PLS1: variants seen among roughly 807,000 people sequenced by gnomAD.
PLS1 encodes plastin-1.
In PLS1, 32 loss-of-function variants were observed where a neutral mutation model predicts 73.7. The observed-to-expected ratio is 0.43, with a 90% CI of 0.33 to 0.58. The LOEUF (loss-of-function observed/expected upper bound fraction) is 0.58. Among genes scored for constraint, PLS1 ranks in the 20% least tolerant of loss-of-function variants. PLS1 has a pLI of 0.04. For synonymous variants in PLS1, 217 were observed against 261.3 expected (o/e 0.83, Z 1.63); for missense variants, 633 against 740.5 (o/e 0.85, Z 1.68).
chr3:142,684,840 G>A (rs1412254071), intron 8 of PLS1, among the ~76,000 whole-genome samples: 2 of 152,178 alleles, frequency 1.3e-5, no homozygotes, highest in South Asian at 2.1e-4. Context: ...GGGATCTTAA[G>A]GTATGTGCCT....
chr3:142,663,209 T>C (rs977618060), intron 1 of PLS1, among the ~76,000 whole-genome samples: 1 of 151,968 alleles, frequency 6.6e-6, no homozygotes, highest in Admixed American at 6.6e-5. Flanking sequence ...AGTGAGACTC[T>C]GTCGCAGAAA....
chr3:142,635,571 C>G lies in PLS1; in HGVS notation c.-36-28631C>G, dbSNP rs373770856. ...TGAGCTGAGTTCGTGCCACTACACG[C>G]CAGCCTGAGTGAGTGACAGAGTGAG... On this transcript the variant is annotated intron_variant, in intron 1 of 15. Transcript: ENST00000457734. 2.2e-3 allele frequency among the ~76,000 whole-genome samples: 331 copies of G among 152,226 alleles called. 1 individual carries two copies. The highest frequency in any genetic ancestry group is 8.1e-3 in the South Asian group (39 of 4,820).
chr3:142,706,214 T>A (rs2038459110), intron 14 of PLS1, among the ~76,000 whole-genome samples: 1 of 152,190 alleles, frequency 6.6e-6, no homozygotes, highest in Admixed American at 6.5e-5. Flanking sequence ...CCTCAGAGTG[T>A]TCACCATTTA....
intron 1 of PLS1, among the ~76,000 whole-genome samples, chr3:142,633,811 A>G (rs1198364403): frequency 6.6e-5 from 10 of 152,226 alleles, no homozygotes; most frequent in Non-Finnish European, 2.9e-5. Flanking sequence ...GTAAAAAATT[A>G]CCAGGCATGC....
intron 1 of PLS1, among the ~76,000 whole-genome samples, chr3:142,610,581 A>G (rs2036104146): frequency 6.6e-6 from 1 of 152,050 alleles, no homozygotes; most frequent in African/African-American, 2.4e-5. Flanking sequence ...TGATTCTAAT[A>G]TTGTCTTAAA....
chr3:142,626,271 T>C (rs573236729), intron 1 of PLS1, among the ~76,000 whole-genome samples: 2 of 152,134 alleles, frequency 1.3e-5, no homozygotes, highest in Admixed American at 1.3e-4. Flanking sequence ...AAACACAATA[T>C]GTTAATAAGC....
rs1165182238 is a variant in PLS1 at position 142,630,972 on chromosome 3, C to CACACACACACACACACACACACAT, written c.-36-33229_-36-33228insCACACACACACACACACACACATA. 2.0e-5 allele frequency among the ~76,000 whole-genome samples: 3 copies of CACACACACACACACACACACACAT among 151,440 alleles called. 1 individual carries two copies. Among genetic ancestry groups the CACACACACACACACACACACACAT allele is most frequent in the African/African-American group, 7.3e-5 (3 of 41,130 alleles). On this transcript the variant is annotated intron_variant, in intron 1 of 15. Coordinates refer to ENST00000457734, the MANE Select transcript of PLS1 (RefSeq NM_001145319.2). ...ACACACACACACACACACACACACA[C>CACACACACACACACACACACACAT]ATAGAGGGAGAGTCAAATGATTTTT... is the stretch of plus-strand genomic sequence containing the variant.
At chr3:142,620,412 C>T (rs961640431) in intron 1 of PLS1, among the ~76,000 whole-genome samples, 2 of 152,186 alleles carry the variant, frequency 1.3e-5, no homozygotes, top group African/African-American at 4.8e-5. Flanking sequence ...CAGGCGTGAG[C>T]CACCGTGCCA....
intron 6 of PLS1, among the ~76,000 whole-genome samples, chr3:142,678,511 G>A (rs1019500359): frequency 6.7e-6 from 1 of 148,460 alleles, no homozygotes; most frequent in Non-Finnish European, 1.5e-5. Context: ...CTATGCGTGA[G>A]AATATGTGGT....
At chr3:142,685,174 T>G (rs1014882692) in intron 8 of PLS1, among the ~76,000 whole-genome samples, 1 of 152,232 alleles carries the variant, frequency 6.6e-6, no homozygotes, top group African/African-American at 2.4e-5. Flanking sequence ...TCATCTACTA[T>G]ACACTGTTAT....
rs536686717 is a variant in PLS1, at chr3:142,687,986, C to T, written c.981+1610C>T. Among the ~76,000 whole-genome samples the T allele has an allele frequency of 7.5e-5, 11 of 147,626 alleles. No homozygotes were observed. The South Asian group carries it at 1.9e-3, about 26-fold the overall frequency. ...TTTTTTAGATGGAGTCTTGCTCTGT[C>T]GCCCAGGCTGGAGTGCAGTGACACA... is the stretch of plus-strand genomic sequence containing the variant. On this transcript the variant is annotated intron_variant, in intron 9 of 15. Coordinates refer to ENST00000457734, the MANE Select transcript of PLS1 (RefSeq NM_001145319.2).
intron 12 of PLS1, among the ~76,000 whole-genome samples, chr3:142,703,642 G>C (rs973820965): frequency 2.0e-5 from 3 of 151,968 alleles, no homozygotes; most frequent in African/African-American, 7.3e-5. Context: ...AAAACTTTCC[G>C]GCCAGTTGTT....
At chr3:142,609,477 T>C (rs1333335564) in intron 1 of PLS1, among the ~76,000 whole-genome samples, 1 of 152,256 alleles carries the variant, frequency 6.6e-6, no homozygotes, top group Non-Finnish European at 1.5e-5. Context: ...AATATCACTT[T>C]GACTCACAGC....
chr3:142,622,598 A>G (rs980268672), intron 1 of PLS1, among the ~76,000 whole-genome samples: 4 of 152,064 alleles, frequency 2.6e-5, no homozygotes, highest in African/African-American at 9.7e-5. Context: ...CTTTACCTTT[A>G]TGGAGCCATC....
At chr3:142,659,328 C>G (rs780730758) in intron 1 of PLS1, among the ~76,000 whole-genome samples, 2 of 152,018 alleles carry the variant, frequency 1.3e-5, no homozygotes, top group Non-Finnish European at 2.9e-5. Flanking sequence ...GAAAAGGTGC[C>G]TTTGTGGAAA....
chr3:142,704,683 C>A, intron 14 of PLS1, 97 bp downstream of exon 14: 1 of 540,060 alleles, frequency 1.9e-6, no homozygotes, highest in East Asian at 4.6e-5. Context: ...GAGTCTCGCT[C>A]TGTCACCCAG....
chr3:142,652,802 T>C (rs1254537438), intron 1 of PLS1, among the ~76,000 whole-genome samples: 2 of 148,908 alleles, frequency 1.3e-5, no homozygotes, highest in East Asian at 3.8e-4. Flanking sequence ...CTTGTTTGTT[T>C]TTGGCATGCT....
At chr3:142,667,281 G>A (rs2037499082) in intron 2 of PLS1, among the ~76,000 whole-genome samples, 1 of 152,120 alleles carries the variant, frequency 6.6e-6, no homozygotes, top group Non-Finnish European at 1.5e-5. Context: ...TGGGCGTGGT[G>A]GCATGTACCT....
Position 142,616,638 on chromosome 3 carries a change from G to A in PLS1, c.-37+20129G>A, listed in dbSNP as rs1347296703. 4.6e-5 allele frequency among the ~76,000 whole-genome samples: 7 copies of A among 151,730 alleles called. No homozygotes were observed. In the East Asian group the frequency reaches 5.8e-4, roughly 13 times the overall value. On this transcript the variant is annotated intron_variant, in intron 1 of 15. Coordinates refer to ENST00000457734, the MANE Select transcript of PLS1 (RefSeq NM_001145319.2). ...TATTATTATTGATGGAGTCTCACTC[G>A]GCCACCCAGGCTGAAGTACAGTGGC...
Sources: gnomAD v4.1 joint callset for allele counts (sites outside exome capture counted in the v4.1 genomes callset) on GRCh38, gnomAD v4.1.1 for gene constraint, MANE v1.5 for transcripts, NCBI Gene and HGNC (gene_info 2026-07-23, HGNC 2026-07-21) for gene names.